Variants in FGF10 observed in about 807,000 individuals in gnomAD.
The protein encoded by FGF10 is fibroblast growth factor 10.
FGF10 carries 2 observed loss-of-function variants against 19.8 expected under a neutral mutation model. The ratio of observed to expected loss-of-function variants is 0.10; its 90% CI spans 0.04 to 0.32. The LOEUF (loss-of-function observed/expected upper bound fraction) is 0.32, where lower values mean the gene tolerates loss of function less well. Ranked by LOEUF, FGF10 falls within the 10% of genes least tolerant of loss-of-function variation. The pLI is 1.00. For synonymous variants in FGF10, 112 were observed against 94.0 expected, an observed-to-expected ratio of 1.19 and a Z score of -1.10; for missense variants, 191 against 246.3, an observed-to-expected ratio of 0.78 and a Z score of 1.50.
intron 1 of FGF10, among the ~76,000 whole-genome samples, chr5:44,386,294 T>C (rs905392242): frequency 3.9e-5 from 6 of 152,158 alleles, no homozygotes; most frequent in Non-Finnish European, 8.8e-5. Flanking sequence ...TGACCTTAAG[T>C]CATATCATAA....
At chr5:44,323,062 A>G (rs1327896371) in intron 1 of FGF10, among the ~76,000 whole-genome samples, 1 of 152,078 alleles carries the variant, frequency 6.6e-6, no homozygotes, top group African/African-American at 2.4e-5. Context: ...TGTTTAATCA[A>G]TATGTTTTGG....
chr5:44,342,631 A>T (rs1467117969), intron 1 of FGF10, among the ~76,000 whole-genome samples: 1 of 151,906 alleles, frequency 6.6e-6, no homozygotes, highest in African/African-American at 2.4e-5. Flanking sequence ...CCCTTACATA[A>T]AGGGAATGAA....
intron 1 of FGF10, among the ~76,000 whole-genome samples, chr5:44,386,933 T>G (rs1337509426): frequency 6.6e-6 from 1 of 152,234 alleles, no homozygotes; most frequent in Non-Finnish European, 1.5e-5. Flanking sequence ...CATTAGTACC[T>G]GGTACTTTCT....
intron 1 of FGF10, among the ~76,000 whole-genome samples, chr5:44,372,202 C>T (rs1157844305): frequency 6.6e-6 from 1 of 152,124 alleles, no homozygotes; most frequent in Admixed American, 6.6e-5. Flanking sequence ...CATTGCCTGC[C>T]TCTTTCAGCT....
intron 1 of FGF10, among the ~76,000 whole-genome samples, chr5:44,367,905 T>TA (rs1009436650): frequency 9.9e-5 from 15 of 150,882 alleles, no homozygotes; most frequent in Admixed American, 5.3e-4. Flanking sequence ...CAAAGTAATT[T>TA]AAAAAAAACA....
At chr5:44,320,922 G>A (rs1035815241) in intron 1 of FGF10, among the ~76,000 whole-genome samples, 1 of 151,712 alleles carries the variant, frequency 6.6e-6, no homozygotes, top group Non-Finnish European at 1.5e-5. Context: ...TGTTGCTCAG[G>A]CTGGTCTCAA....
At position 44,300,437 on chromosome 5, in the gene FGF10, G is replaced by C. The variant is rs1331530627; in HGVS notation, c.*4558C>G. 6.6e-6 allele frequency among the ~76,000 whole-genome samples: 1 copy of C among 152,068 alleles called. No homozygotes were observed. Among genetic ancestry groups the C allele is most frequent in the Non-Finnish European group, 1.5e-5 (1 of 68,010 alleles). ...CCAGCTTTTTATTCAGTGAAAACTT[G>C]CATTCATCCCAATATAAAGTTTGCA... is the stretch of plus-strand genomic sequence containing the variant. On this transcript the variant is annotated 3_prime_UTR_variant, in exon 3 of 3. Coordinates refer to ENST00000264664, the MANE Select transcript of FGF10 (RefSeq NM_004465.2).
chr5:44,338,908 A>G (rs1444697290), intron 1 of FGF10, among the ~76,000 whole-genome samples: 1 of 152,222 alleles, frequency 6.6e-6, no homozygotes, highest in Non-Finnish European at 1.5e-5. Flanking sequence ...GAGATTGTCT[A>G]ACTAGCTACT....
chr5:44,379,861 T>C lies in FGF10; in HGVS notation c.325+8497A>G, dbSNP rs183535204. ...TTTCACAGTATGTGTCTAAACACTCTAGGGCCTCTTCTCTTTTTCTACTTT... is the reference window on the plus strand; with the variant it reads ...TTTCACAGTATGTGTCTAAACACTCCAGGGCCTCTTCTCTTTTTCTACTTT... On this transcript the variant is annotated intron_variant, in intron 1 of 2. Transcript: ENST00000264664. Among the ~76,000 whole-genome samples the C allele has an allele frequency of 3.3e-5, 5 of 152,344 alleles. No homozygotes were observed. In the East Asian group the frequency reaches 9.6e-4, roughly 29 times the overall value.
chr5:44,384,097 G>A (rs1359563927), intron 1 of FGF10, among the ~76,000 whole-genome samples: 2 of 151,988 alleles, frequency 1.3e-5, no homozygotes, highest in Admixed American at 6.6e-5. Flanking sequence ...CCTTTTTAGA[G>A]TCATATATCA....
intron 1 of FGF10, among the ~76,000 whole-genome samples, chr5:44,345,909 T>G (rs1027628759): frequency 2.0e-5 from 3 of 151,884 alleles, no homozygotes; most frequent in Admixed American, 1.3e-4. Context: ...CAGGCCTAAG[T>G]GTTCTATGCT....
intron 1 of FGF10, among the ~76,000 whole-genome samples, chr5:44,317,891 T>C (rs1408276085): frequency 2.0e-5 from 3 of 152,152 alleles, no homozygotes; most frequent in Non-Finnish European, 4.4e-5. Flanking sequence ...AAATGACACG[T>C]GTCTAGGACA....
At chr5:44,308,148 A>AGT (rs1740125912) in intron 2 of FGF10, among the ~76,000 whole-genome samples, 1 of 152,222 alleles carries the variant, frequency 6.6e-6, no homozygotes, top group African/African-American at 2.4e-5. Flanking sequence ...ACTCTACTTT[A>AGT]AATAAAGAAT....
At chr5:44,384,084 C>T (rs1008217663) in intron 1 of FGF10, among the ~76,000 whole-genome samples, 2 of 151,968 alleles carry the variant, frequency 1.3e-5, no homozygotes, top group Non-Finnish European at 2.9e-5. Flanking sequence ...TCTAAGACGT[C>T]GCCCTTTTTA....
At chr5:44,307,336 G>A (rs563644746) in intron 2 of FGF10, among the ~76,000 whole-genome samples, 310 of 152,134 alleles carry the variant, frequency 2.0e-3, no homozygotes, top group African/African-American at 7.1e-3. Context: ...TCAAAAGCAG[G>A]GTTCAGGGAG....
intron 1 of FGF10, among the ~76,000 whole-genome samples, chr5:44,366,283 G>A (rs1279990279): frequency 6.6e-6 from 1 of 151,644 alleles, no homozygotes; most frequent in Non-Finnish European, 1.5e-5. Context: ...GAACAATGGT[G>A]AAAGGTGGGC....
intron 1 of FGF10, among the ~76,000 whole-genome samples, chr5:44,366,583 C>A (rs1741619076): frequency 6.6e-6 from 1 of 151,942 alleles, no homozygotes; most frequent in Admixed American, 6.6e-5. Context: ...GATTAACAAG[C>A]TACCAAGGGC....
At chr5:44,317,711 T>C (rs967035315) in intron 1 of FGF10, among the ~76,000 whole-genome samples, 1 of 152,192 alleles carries the variant, frequency 6.6e-6, no homozygotes, top group Admixed American at 6.5e-5. Flanking sequence ...TCAATAGATT[T>C]GGTAAACTTG....
intron 1 of FGF10, among the ~76,000 whole-genome samples, chr5:44,378,340 CTG>C (rs1308757178): frequency 6.6e-6 from 1 of 152,210 alleles, no homozygotes; most frequent in African/African-American, 2.4e-5. Context: ...AGTGCTCAAT[CTG>C]TTTCTTCTAC....
Sources: allele counts gnomAD v4.1 joint callset (sites outside exome capture counted in the v4.1 genomes callset), GRCh38; gene constraint gnomAD v4.1.1; transcripts MANE v1.5; gene names NCBI Gene and HGNC (gene_info 2026-07-23, HGNC 2026-07-21).